CDH13: variants seen among roughly 807,000 people sequenced by gnomAD.
CDH13 encodes cadherin-13.
A neutral mutation model predicts 63.8 loss-of-function variants in CDH13; 24 were observed. That is an observed-to-expected ratio of 0.38 (90% confidence interval 0.27 to 0.53). The LOEUF (loss-of-function observed/expected upper bound fraction) is 0.53. CDH13 is among the 20% of genes least tolerant of loss of function. The probability of loss-of-function intolerance (pLI) is 0.85; values close to 1 mark genes in which losing one functional copy is unlikely to be tolerated. For synonymous variants in CDH13, 503 were observed against 355.3 expected (o/e 1.42, Z -4.67); for missense variants, 1,049 against 903.1 (o/e 1.16, Z -2.07).
intron 1 of CDH13, among the ~76,000 whole-genome samples, chr16:82,650,705 C>G (rs1910625534): frequency 6.6e-6 from 1 of 152,208 alleles, no homozygotes; most frequent in Non-Finnish European, 1.5e-5. Context: ...AGCCTGCTCC[C>G]TCCTGCCCTT....
chr16:83,110,001 C>T (rs2034981962), intron 3 of CDH13, among the ~76,000 whole-genome samples: 1 of 152,100 alleles, frequency 6.6e-6, no homozygotes, highest in South Asian at 2.1e-4. Flanking sequence ...TCATCCAAAG[C>T]GTATGTTTTT....
chr16:83,507,189 A>C (rs1208938677), intron 7 of CDH13, among the ~76,000 whole-genome samples: 1 of 152,068 alleles, frequency 6.6e-6, no homozygotes. Context: ...TCATTTTCTC[A>C]CACAGATTGT....
chr16:83,708,517 C>G (rs1187124528), intron 10 of CDH13, among the ~76,000 whole-genome samples: 1 of 152,162 alleles, frequency 6.6e-6, no homozygotes, highest in Non-Finnish European at 1.5e-5. Flanking sequence ...TCATGAGTGT[C>G]CTCTTCTCTG....
chr16:83,355,052 T>A (rs1170450959), intron 6 of CDH13, among the ~76,000 whole-genome samples: 1 of 152,176 alleles, frequency 6.6e-6, no homozygotes, highest in Admixed American at 6.5e-5. Flanking sequence ...GATTACATTT[T>A]AAACTTAGTA....
At chr16:83,291,545 A>G (rs1053283352) in intron 5 of CDH13, among the ~76,000 whole-genome samples, 2 of 151,966 alleles carry the variant, frequency 1.3e-5, no homozygotes, top group Non-Finnish European at 2.9e-5. Flanking sequence ...GCGTTTTCAT[A>G]TACTACTTTG....
intron 7 of CDH13, among the ~76,000 whole-genome samples, chr16:83,500,299 TCTC>T (rs1598162570): frequency 2.4e-3 from 3 of 1,266 alleles, no homozygotes; most frequent in African/African-American, 2.9e-3. Context: ...TTCTTCTCCT[TCTC>T]CTTCTCCTTC....
chr16:82,925,818 G>A (rs914003252), intron 2 of CDH13: 2 of 151,954 alleles, frequency 1.3e-5, no homozygotes, highest in Non-Finnish European at 2.9e-5. Flanking sequence ...ACTGGCTCCA[G>A]GTCTCCTACC....
chr16:83,010,001 G>T (rs771919438), intron 2 of CDH13, among the ~76,000 whole-genome samples: 1 of 151,922 alleles, frequency 6.6e-6, no homozygotes. Flanking sequence ...TGGGCATGGC[G>T]GCACACGCCT....
At chr16:83,172,155 A>G (rs1374938671) in intron 4 of CDH13, among the ~76,000 whole-genome samples, 2 of 152,098 alleles carry the variant, frequency 1.3e-5, no homozygotes, top group African/African-American at 2.4e-5. Flanking sequence ...AAAAAGAGAA[A>G]TTTGGAGATA....
At chr16:82,741,307 G>C (rs1225976148) in intron 1 of CDH13, among the ~76,000 whole-genome samples, 1 of 152,054 alleles carries the variant, frequency 6.6e-6, no homozygotes, top group Non-Finnish European at 1.5e-5. Context: ...TCCTTTGCTG[G>C]GACACTCTCT....
chr16:83,173,363 A>G (rs1447023319), intron 4 of CDH13, among the ~76,000 whole-genome samples: 1 of 152,162 alleles, frequency 6.6e-6, no homozygotes, highest in Admixed American at 6.6e-5. Flanking sequence ...GGAACTTGTC[A>G]GAGCTTTTAA....
intron 3 of CDH13, among the ~76,000 whole-genome samples, chr16:83,101,925 C>T (rs547287989): frequency 9.2e-5 from 14 of 152,332 alleles, no homozygotes; most frequent in Admixed American, 4.6e-4. Flanking sequence ...TCACATTCTA[C>T]TCCTTGGAAC....
intron 5 of CDH13, among the ~76,000 whole-genome samples, chr16:83,281,981 C>T (rs1047207993): frequency 2.0e-5 from 3 of 152,088 alleles, no homozygotes; most frequent in Admixed American, 1.3e-4. Flanking sequence ...AAGTGAGGGC[C>T]ATGTGTCTCT....
chr16:83,004,063 C>G (rs1913220960), intron 2 of CDH13, among the ~76,000 whole-genome samples: 1 of 152,148 alleles, frequency 6.6e-6, no homozygotes, highest in South Asian at 2.1e-4. Context: ...TATTCTCAGT[C>G]AATGACAGGG....
intron 5 of CDH13, among the ~76,000 whole-genome samples, chr16:83,335,336 G>T (rs1284374301): frequency 6.6e-6 from 1 of 152,004 alleles, no homozygotes; most frequent in Non-Finnish European, 1.5e-5. Flanking sequence ...TTCTTTATCT[G>T]GGGGCAAATG....
At chr16:82,800,271 C>G (rs1355871667) in intron 1 of CDH13, among the ~76,000 whole-genome samples, 1 of 152,086 alleles carries the variant, frequency 6.6e-6, no homozygotes, top group African/African-American at 2.4e-5. Flanking sequence ...AGTTGGGTCT[C>G]ATTCAGTAGG....
At chr16:83,336,259 C>T (rs1285550365) in intron 5 of CDH13, among the ~76,000 whole-genome samples, 1 of 148,170 alleles carries the variant, frequency 6.7e-6, no homozygotes, top group Non-Finnish European at 1.5e-5. Context: ...CAAGATCACG[C>T]CACTGTACTC....
intron 7 of CDH13, among the ~76,000 whole-genome samples, chr16:83,488,966 G>T (rs2073952837): frequency 6.6e-6 from 1 of 152,142 alleles, no homozygotes; most frequent in African/African-American, 2.4e-5. Flanking sequence ...TCTTCTTTTG[G>T]AGGCCAGTGA....
intron 2 of CDH13, among the ~76,000 whole-genome samples, chr16:83,026,432 A>G (rs1915806799): frequency 1.3e-5 from 2 of 152,226 alleles, no homozygotes; most frequent in African/African-American, 4.8e-5. Flanking sequence ...TTATATATTT[A>G]TAGACTGTGC....
Sources: gnomAD v4.1 joint callset for allele counts (sites outside exome capture counted in the v4.1 genomes callset) on GRCh38, gnomAD v4.1.1 for gene constraint, MANE v1.5 for transcripts, NCBI Gene and HGNC (gene_info 2026-07-23, HGNC 2026-07-21) for gene names.